The following CUX1 variants were observed in gnomAD, a reference collection of about 807,000 sequenced individuals.
CUX1 encodes protein CASP.
In CUX1, 31 loss-of-function variants were observed where a neutral mutation model predicts 158.8. The observed-to-expected ratio is 0.20, with a 90% CI of 0.15 to 0.26. The LOEUF (loss-of-function observed/expected upper bound fraction) is 0.26, where lower values mean the gene tolerates loss of function less well. CUX1 is among the 10% of genes least tolerant of loss of function. The pLI is 1.00. For synonymous variants in CUX1, 879 were observed against 862.1 expected, an observed-to-expected ratio of 1.02 and a Z score of -0.34; for missense variants, 1,589 against 2,014.6, an observed-to-expected ratio of 0.79 and a Z score of 4.04.
At position 102,249,056 on chromosome 7, in the gene CUX1, T is replaced by G. The variant is rs782767283; in HGVS notation, c.*14T>G. ...TGGGAGTTCTGAGGGGCCGCGGCCC[T>G]GGGGCGGGCAGCCAGGCTGGGCCGC... is the stretch of plus-strand genomic sequence containing the variant. On this transcript the variant is annotated 3_prime_UTR_variant, in exon 24 of 24. Coordinates refer to ENST00000292535, the MANE Select transcript of CUX1 (RefSeq NM_181552.4). 2 of 1,275,160 alleles carry G rather than the reference T, an allele frequency of 1.6e-6. No homozygotes were observed. Among genetic ancestry groups the G allele is most frequent in the South Asian group, 2.3e-5 (1 of 42,948 alleles). 79.0% of individuals were successfully genotyped at this position (1,275,160 alleles called of 1,614,324 possible). A position where few individuals can be genotyped will look rare whatever the true frequency, so the allele number is the denominator to read the frequency against.
chr7:102,180,796 T>C (rs1462855220), intron 11 of CUX1, among the ~76,000 whole-genome samples: 1 of 152,056 alleles, frequency 6.6e-6, no homozygotes, highest in African/African-American at 2.4e-5. Flanking sequence ...CACTGAGAAC[T>C]GCCCAGCGCC....
chr7:101,958,890 T>C (rs1196172188), intron 2 of CUX1, among the ~76,000 whole-genome samples: 2 of 127,148 alleles, frequency 1.6e-5, no homozygotes, highest in African/African-American at 5.9e-5. Context: ...AGTATTGCCC[T>C]GTCGCCCAAG....
chr7:102,146,406 G>C (rs989809521), intron 8 of CUX1, among the ~76,000 whole-genome samples: 1 of 152,114 alleles, frequency 6.6e-6, no homozygotes, highest in Non-Finnish European at 1.5e-5. Flanking sequence ...AGTTGACCCC[G>C]CACGTGCCGT....
intron 1 of CUX1, among the ~76,000 whole-genome samples, chr7:101,857,066 A>G (rs1035323227): frequency 1.3e-5 from 2 of 152,208 alleles, no homozygotes; most frequent in African/African-American, 4.8e-5. Context: ...GATCCTCTCC[A>G]GCAGGTGGAC....
chr7:102,272,936 A>G (rs1405376785), intron 14 of CUX1, among the ~76,000 whole-genome samples: 1 of 151,994 alleles, frequency 6.6e-6, no homozygotes, highest in Non-Finnish European at 1.5e-5. Context: ...CAGGCTTCCC[A>G]CTGGACATTA....
At chr7:102,175,974 C>T (rs571121568) in intron 10 of CUX1, among the ~76,000 whole-genome samples, 4 of 152,358 alleles carry the variant, frequency 2.6e-5, no homozygotes, top group South Asian at 2.1e-4. Flanking sequence ...AAATTGGCAA[C>T]GATCCCTGCA....
At chr7:101,872,608 A>G (rs1213985711) in intron 1 of CUX1, among the ~76,000 whole-genome samples, 1 of 151,708 alleles carries the variant, frequency 6.6e-6, no homozygotes, top group African/African-American at 2.4e-5. Flanking sequence ...GTACATAGGA[A>G]TTTATACTTT....
At chr7:101,963,887 A>G (rs1810816045) in intron 2 of CUX1, among the ~76,000 whole-genome samples, 1 of 152,048 alleles carries the variant, frequency 6.6e-6, no homozygotes, top group South Asian at 2.1e-4. Flanking sequence ...CCTTACCTCA[A>G]GTGATCCTCC....
chr7:102,218,232 G>A (rs1554525594), intron 20 of CUX1, among the ~76,000 whole-genome samples: 4 of 152,216 alleles, frequency 2.6e-5, no homozygotes, highest in African/African-American at 9.6e-5. Flanking sequence ...TGGGGGCGCA[G>A]GGTCTGCCTT....
chr7:101,996,291 T>C (rs1815874695), intron 2 of CUX1, among the ~76,000 whole-genome samples: 1 of 151,054 alleles, frequency 6.6e-6, no homozygotes, highest in Non-Finnish European at 1.5e-5. Context: ...TCTAGGTGTG[T>C]ACTGGTCACA....
chr7:101,852,444 C>T (rs888557348), intron 1 of CUX1, among the ~76,000 whole-genome samples: 6 of 151,632 alleles, frequency 4.0e-5, no homozygotes, highest in Admixed American at 3.9e-4. Flanking sequence ...ATGGCAAAAC[C>T]CTGTCTCTAC....
At chr7:102,050,589 C>T (rs1158813654) in intron 3 of CUX1, among the ~76,000 whole-genome samples, 4 of 152,124 alleles carry the variant, frequency 2.6e-5, no homozygotes, top group African/African-American at 4.8e-5. Context: ...CAGGCACCTG[C>T]GTATGCCCCA....
At chr7:102,165,561 C>T (rs1045848770) in intron 9 of CUX1, among the ~76,000 whole-genome samples, 10 of 152,078 alleles carry the variant, frequency 6.6e-5, no homozygotes, top group African/African-American at 2.2e-4. Flanking sequence ...GACAGGATTT[C>T]ACCATGTTGA....
At chr7:101,833,089 C>A (rs193112106) in intron 1 of CUX1, among the ~76,000 whole-genome samples, 1 of 151,972 alleles carries the variant, frequency 6.6e-6, no homozygotes, top group Non-Finnish European at 1.5e-5. Context: ...TTCGACTGAA[C>A]GTGAAGCGTT....
At chr7:101,865,929 A>G (rs942737809) in intron 1 of CUX1, among the ~76,000 whole-genome samples, 2 of 152,210 alleles carry the variant, frequency 1.3e-5, no homozygotes, top group African/African-American at 2.4e-5. Flanking sequence ...ACGTCGACCA[A>G]AAGAAGAGAG....
chr7:102,203,449 C>T (rs1554520295), intron 18 of CUX1, among the ~76,000 whole-genome samples: 1 of 152,124 alleles, frequency 6.6e-6, no homozygotes, highest in East Asian at 1.9e-4. Context: ...CGGTGGTGTC[C>T]GATGGCGAAC....
chr7:102,001,652 TG>T (rs1373298767), intron 2 of CUX1, among the ~76,000 whole-genome samples: 1 of 152,150 alleles, frequency 6.6e-6, no homozygotes, highest in South Asian at 2.1e-4. Flanking sequence ...CCCCGTTTGG[TG>T]TTTTTAATGC....
chr7:102,148,690 G>A (rs1469783856), intron 8 of CUX1, among the ~76,000 whole-genome samples: 5 of 147,836 alleles, frequency 3.4e-5, no homozygotes, highest in East Asian at 1.9e-4. Flanking sequence ...TAATGTATGT[G>A]TTATATATAT....
At chr7:102,113,605 T>A (rs1831157602) in intron 7 of CUX1, among the ~76,000 whole-genome samples, 2 of 151,990 alleles carry the variant, frequency 1.3e-5, no homozygotes, top group Non-Finnish European at 2.9e-5. Flanking sequence ...TCGCTCAGGT[T>A]GGAGAGCAGT....
Sources: gnomAD v4.1 joint callset for allele counts (sites outside exome capture counted in the v4.1 genomes callset) on GRCh38, gnomAD v4.1.1 for gene constraint, MANE v1.5 for transcripts, NCBI Gene and HGNC (gene_info 2026-07-23, HGNC 2026-07-21) for gene names.